The following ACAN variants were observed in gnomAD, a reference collection of about 807,000 sequenced individuals.
The protein encoded by ACAN is aggrecan.
In ACAN, 47 loss-of-function variants were observed where a neutral mutation model predicts 169.1. That is an observed-to-expected ratio of 0.28 (90% CI 0.22 to 0.35). The LOEUF is 0.35. ACAN is among the 10% of genes least tolerant of loss of function. The probability of loss-of-function intolerance (pLI) is 1.00; values close to 1 mark genes in which losing one functional copy is unlikely to be tolerated. For synonymous variants in ACAN, 1,115 were observed against 1,112.2 expected (o/e 1.00, Z -0.05); for missense variants, 2,716 against 2,759.9 (o/e 0.98, Z 0.36).
In ACAN at chr15:88,846,807, G is replaced by A. The variant is rs570064366; in HGVS notation, c.1430-436G>A. Among the ~76,000 whole-genome samples the A allele has an allele frequency of 4.6e-5, 7 of 152,310 alleles. No individual in the cohort carries two copies. The South Asian group carries it at 8.3e-4, about 18-fold the overall frequency. ...GGTATCTGAGGAGATCCTGGATCCCGAAGGATAACTGTAGTTGTAACAGAA... is the reference window on the plus strand; with the variant it reads ...GGTATCTGAGGAGATCCTGGATCCCAAAGGATAACTGTAGTTGTAACAGAA... On this transcript the variant is annotated intron_variant, in intron 7 of 18. Transcript: ENST00000560601.
In ACAN at chr15:88,855,002, T is replaced by G; in HGVS notation, c.2417T>G (p.Phe806Cys). ...GAGCCATCCCCCTCAGAGGAACCAT[T>G]CCCCTCAGTGAGGCCATTCCCCTCA... ...SEEPSPSEEP[F>C]PSVRPFPSVE... The change falls in exon 12 of 19, where the codon TTC (phenylalanine) becomes TGC (cysteine). Residue 806 changes from phenylalanine to cysteine, a missense_variant. By Grantham distance (205) the Phe-to-Cys change is radical. Transcript: ENST00000560601. 4 of 1,590,002 alleles carry G rather than the reference T, an allele frequency of 2.5e-6. No homozygotes were observed. The highest frequency in any genetic ancestry group is 3.4e-6 in the Non-Finnish European group (4 of 1,169,984).
intron 1 of ACAN, among the ~76,000 whole-genome samples, chr15:88,831,975 G>A (rs1210570299): frequency 6.6e-6 from 1 of 152,168 alleles, no homozygotes; most frequent in Non-Finnish European, 1.5e-5. Context: ...GGTGGCTTCT[G>A]ATGGTGGAAC....
chr15:88,847,766 T>C, intron 8 of ACAN, 145 bp from the exon 9 acceptor site: 1 of 1,092,900 alleles, frequency 9.1e-7, no homozygotes, highest in East Asian at 2.7e-5. Context: ...ACTTGCTGCA[T>C]AAGGGGCTTT....
rs149955647 is a variant in ACAN, at chr15:88,826,373, TC to T, written c.-7-9826del. Among the ~76,000 whole-genome samples the T allele has an allele frequency of 2.2e-3, 314 of 141,110 alleles. 2 individuals are homozygous for T. The highest frequency in any genetic ancestry group is 7.9e-3 in the African/African-American group (293 of 37,274). 92.6% of individuals were successfully genotyped at this position (141,110 alleles called of 152,430 possible). A position where few individuals can be genotyped will look rare whatever the true frequency, so the allele number is the denominator to read the frequency against. On this transcript the variant is annotated intron_variant, in intron 1 of 18. Coordinates refer to ENST00000560601, the MANE Select transcript of ACAN (RefSeq NM_001369268.1). ...GGCATTTGTATAGTGGCCTTTTTTT[TC>T]TTTTTTTTTTTTTTTTTTTGGAGCC...
rs745511073 is a variant in ACAN, at chr15:88,874,722, T to C, written c.*241T>C. On this transcript the variant is annotated 3_prime_UTR_variant, in exon 19 of 19. Transcript: ENST00000560601. The surrounding 1 kb of genome is among the most constrained non-coding windows in gnomAD (Gnocchi z 7.3). ...AGCAAACTTATTATAACCCTTGGACTGAGTTTAGAGACATTTCTTCAATTT... is the reference window on the plus strand; with the variant it reads ...AGCAAACTTATTATAACCCTTGGACCGAGTTTAGAGACATTTCTTCAATTT... The C allele has an allele frequency of 5.1e-5, 30 of 592,400 alleles. No individual in the cohort carries two copies. Among genetic ancestry groups the C allele is most frequent in the Non-Finnish European group, 8.7e-5 (28 of 322,066 alleles). The allele number at this position is 592,400 out of a possible 1,614,324, so 36.7% of individuals were successfully genotyped here. A position where few individuals can be genotyped will look rare whatever the true frequency, so the allele number is the denominator to read the frequency against.
intron 13 of ACAN, among the ~76,000 whole-genome samples, chr15:88,864,833 T>C (rs1456369463): frequency 6.6e-6 from 1 of 152,246 alleles, no homozygotes; most frequent in African/African-American, 2.4e-5. Flanking sequence ...AAGTATGCAC[T>C]GAACAGCTTG....
chr15:88,806,315 C>T (rs1895681360), intron 1 of ACAN, among the ~76,000 whole-genome samples: 1 of 151,588 alleles, frequency 6.6e-6, no homozygotes, highest in Non-Finnish European at 1.5e-5. Context: ...AATGTTTTCT[C>T]TTGATAAGAG....
At position 88,839,899 on chromosome 15, in the gene ACAN, C is replaced by CCCTA; in HGVS notation, c.455-113_455-112insCCTA. The stretch of plus-strand genomic sequence containing the variant: ...CAGGGAGTCATGCATCAGCCCAGAC[C>CCCTA]AGCCAGTTCCCTAAGGTCCCTTTGA... On this transcript the variant is annotated intron_variant, in intron 3 of 18. Transcript: ENST00000560601. This position sits in a 1 kb window ranked among gnomAD's most constrained non-coding sequence, Gnocchi z 4.5. The CCCTA allele has an allele frequency of 7.6e-7, 1 of 1,313,612 alleles. No individual in the cohort carries two copies. The highest frequency in any genetic ancestry group is 1.0e-6 in the Non-Finnish European group (1 of 953,332). 81.4% of individuals were successfully genotyped at this position (1,313,612 alleles called of 1,614,324 possible).
Position 88,843,613 on chromosome 15 carries a change from A to G in ACAN, c.1016A>G (p.Asp339Gly). The G allele has an allele frequency of 6.3e-7, 1 of 1,594,232 alleles. No individual in the cohort carries two copies. Among genetic ancestry groups the G allele is most frequent in the South Asian group, 1.1e-5 (1 of 90,274 alleles). Residue 339 changes from aspartate to glycine, a missense_variant, in exon 6 of 19, where the codon GAC (aspartate) becomes GGC (glycine). By Grantham distance (94) the Asp-to-Gly change is moderately conservative. This residue lies in a region of ACAN where 1,283 missense variants were observed against 1,281.5 expected (regional missense o/e 1.00). Transcript: ENST00000560601. The surrounding 1 kb of genome is among the most constrained non-coding windows in gnomAD (Gnocchi z 4.0). ...CATGCCAACCAGACGGGCTACCCCG[A>G]CCCCTCATCCCGCTACGACGCCATC... The part of the protein sequence containing the change: ...YVHANQTGYP[D>G]PSSRYDAICY...
chr15:88,815,561 GAA>G (rs11291752), intron 1 of ACAN, among the ~76,000 whole-genome samples: 26 of 100,520 alleles, frequency 2.6e-4, no homozygotes, highest in East Asian at 4.8e-4. Context: ...TCCAACTCAA[GAA>G]AAAAAAAAAA....
chr15:88,830,559 G>C lies in ACAN; in HGVS notation c.-7-5641G>C, dbSNP rs144319223. ...ACTGTACCTTTTGTATGTGTAGATA[G>C]GTTTAGATACACAAATACTTGCCTT... On this transcript the variant is annotated intron_variant, in intron 1 of 18. Coordinates refer to ENST00000560601, the MANE Select transcript of ACAN (RefSeq NM_001369268.1). 5.3e-5 allele frequency among the ~76,000 whole-genome samples: 8 copies of C among 150,258 alleles called. No individual in the cohort carries two copies. In the East Asian group the frequency reaches 1.0e-3, roughly 19 times the overall value.
chr15:88,857,157 C>A lies in ACAN; in HGVS notation c.4572C>A (p.Asp1524Glu), dbSNP rs1474434745. The A allele has an allele frequency of 6.2e-7, 1 of 1,611,856 alleles. No individual in the cohort carries two copies. The highest frequency in any genetic ancestry group is 2.2e-5 in the East Asian group (1 of 44,800). Residue 1524 changes from aspartate to glutamate, a missense_variant, in exon 12 of 19, where the codon GAC becomes GAA. Physicochemically the swap from Asp to Glu is conservative, Grantham distance 45. Transcript: ENST00000560601. ...AGACCTCTGCTTCTGGAGTAGAGGA[C>A]CTCAGCAGGCTCCCTTCTGGAGAAG... ...GLETSASGVE[D>E]LSRLPSGEEV...
chr15:88,855,078 C>G lies in ACAN; in HGVS notation c.2493C>G (p.Pro831=), dbSNP rs768559740. 14 of 1,586,764 alleles carry G rather than the reference C, an allele frequency of 8.8e-6. No individual in the cohort carries two copies. Among genetic ancestry groups the G allele is most frequent in the Non-Finnish European group, 1.2e-5 (14 of 1,168,006 alleles). ...EEPFPSKEPS[P]SEEPSASEEP... The stretch of plus-strand genomic sequence containing the variant: ...CATTCCCCTCCAAGGAGCCATCCCC[C>G]TCAGAGGAACCATCAGCCTCGGAAG... The change falls in exon 12 of 19, where the codon CCC becomes CCG. Residue 831 remains proline, a synonymous_variant. Transcript: ENST00000560601.
In ACAN at chr15:88,869,156, C is replaced by T. The variant is rs999941301; in HGVS notation, c.7060+827C>T. Among the ~76,000 whole-genome samples, 3 of 152,176 alleles carry T rather than the reference C, an allele frequency of 2.0e-5. No homozygotes were observed. The highest frequency in any genetic ancestry group is 4.4e-5 in the Non-Finnish European group (3 of 68,044). Reference sequence around the variant, plus strand: ...GGTGCTTCCTAGTCTCCCCACCAGCCGCCTGGATCTCGGGGATTTCCCAGC... The same window carrying T: ...GGTGCTTCCTAGTCTCCCCACCAGCTGCCTGGATCTCGGGGATTTCCCAGC... On this transcript the variant is annotated intron_variant, in intron 14 of 18. Transcript: ENST00000560601. The surrounding 1 kb of genome is among the most constrained non-coding windows in gnomAD (Gnocchi z 4.2).
rs142126392 is a variant in ACAN at position 88,866,769 on chromosome 15, T to C, written c.6947-1447T>C. Among the ~76,000 whole-genome samples, 602 of 152,288 alleles carry C rather than the reference T, an allele frequency of 4.0e-3. 33 individuals are homozygous for C. In the South Asian group the frequency reaches 0.1, roughly 26 times the overall value. On this transcript the variant is annotated intron_variant, in intron 13 of 18. Transcript: ENST00000560601. The surrounding 1 kb of genome is among the most constrained non-coding windows in gnomAD (Gnocchi z 5.6). ...CTCAGAGGAAACCGCCTTTACCATCTCATCAGAAGGTTGACTTTAAGGTCT... is the reference window on the plus strand; with the variant it reads ...CTCAGAGGAAACCGCCTTTACCATCCCATCAGAAGGTTGACTTTAAGGTCT...
chr15:88,858,091 T>A lies in ACAN; in HGVS notation c.5506T>A (p.Leu1836Met). 1.2e-6 allele frequency: 2 copies of A among 1,613,820 alleles called. No individual in the cohort carries two copies. Among genetic ancestry groups the A allele is most frequent in the Non-Finnish European group, 1.7e-6 (2 of 1,179,866 alleles). The change falls in exon 12 of 19, where the codon TTG becomes ATG. Residue 1836 changes from leucine to methionine, a missense_variant. Transcript: ENST00000560601. The surrounding 1 kb of genome is among the most constrained non-coding windows in gnomAD (Gnocchi z 4.0). ...SSGITFVDTS[L>M]VEVAPTTFKE... ...TGGGATTACATTTGTGGACACCAGTTTGGTTGAAGTGGCCCCTACTACATT... is the reference window on the plus strand; with the variant it reads ...TGGGATTACATTTGTGGACACCAGTATGGTTGAAGTGGCCCCTACTACATT...
chr15:88,844,368 T>TTTATTATTA (rs59329974), intron 6 of ACAN, among the ~76,000 whole-genome samples: 8 of 149,718 alleles, frequency 5.3e-5, no homozygotes, highest in African/African-American at 2.0e-4. Flanking sequence ...GTCATTTTAC[T>TTTATTATTA]TTATTATTAT....
At chr15:88,804,981 C>A (rs532160402) in intron 1 of ACAN, among the ~76,000 whole-genome samples, 1 of 152,182 alleles carries the variant, frequency 6.6e-6, no homozygotes, top group African/African-American at 2.4e-5. Context: ...TCACCCACCT[C>A]GTCTGAAGAG....
chr15:88,855,103 G>A lies in ACAN; in HGVS notation c.2518G>A (p.Glu840Lys). The change falls in exon 12 of 19, where the codon GAG (glutamate) becomes AAG (lysine). Residue 840 changes from glutamate to lysine, a missense_variant. Glu to Lys is a moderately conservative substitution (Grantham distance 56). This residue lies in a region of ACAN where 1,283 missense variants were observed against 1,281.5 expected (regional missense o/e 1.00). Transcript: ENST00000560601. ...CTCAGAGGAACCATCAGCCTCGGAA[G>A]AGCCGTATACACCTTCACCCCCCGT... ...SPSEEPSASE[E>K]PYTPSPPVPS... 2 of 1,600,264 alleles carry A rather than the reference G, an allele frequency of 1.2e-6. No individual in the cohort carries two copies. Among genetic ancestry groups the A allele is most frequent in the Non-Finnish European group, 1.7e-6 (2 of 1,173,898 alleles).
Sources: allele counts gnomAD v4.1 joint callset (sites outside exome capture counted in the v4.1 genomes callset), GRCh38; gene constraint gnomAD v4.1.1; regional missense constraint gnomAD v4.1.1; non-coding constraint Gnocchi (gnomAD v3.1); transcripts MANE v1.5; gene names NCBI Gene and HGNC (gene_info 2026-07-23, HGNC 2026-07-21).